Variants in ACTR2 observed in about 807,000 individuals in gnomAD.
The protein encoded by ACTR2 is actin-related protein 2.
ACTR2 carries 5 observed loss-of-function variants against 50.2 expected under a neutral mutation model. The observed-to-expected ratio is 0.10, with a 90% CI of 0.05 to 0.21. ACTR2 has a LOEUF of 0.21. Among genes scored for constraint, ACTR2 ranks in the 10% least tolerant of loss-of-function variants. The pLI is 1.00. For synonymous variants in ACTR2, 140 were observed against 162.9 expected, an observed-to-expected ratio of 0.86 and a Z score of 1.07; for missense variants, 180 against 480.6, an observed-to-expected ratio of 0.37 and a Z score of 5.85.
intron 3 of ACTR2, among the ~76,000 whole-genome samples, chr2:65,247,317 G>A (rs1283283714): frequency 3.9e-5 from 6 of 152,168 alleles, no homozygotes; most frequent in South Asian, 4.2e-4. Flanking sequence ...GGCCGGGCGC[G>A]GTGGCTCACG....
At chr2:65,230,819 C>T (rs1024318574) in intron 1 of ACTR2, among the ~76,000 whole-genome samples, 7 of 151,718 alleles carry the variant, frequency 4.6e-5, no homozygotes, top group African/African-American at 1.2e-4. Context: ...TTTGGGAGGC[C>T]GAGGTAGGAG....
At chr2:65,268,502 T>C (rs1672428054) in intron 8 of ACTR2, 62 bp from the exon 9 acceptor site, 2 of 1,472,896 alleles carry the variant, frequency 1.4e-6, no homozygotes, top group Non-Finnish European at 1.8e-6. Flanking sequence ...AAAAAGCCAT[T>C]TTCATAAAGC....
At chr2:65,253,152 G>A (rs745874440) in intron 4 of ACTR2, among the ~76,000 whole-genome samples, 152 of 152,036 alleles carry the variant, frequency 1.0e-3, no homozygotes, top group Non-Finnish European at 1.6e-3. Context: ...CTTTAAGAAC[G>A]TGTTCTGCTG....
In ACTR2 at chr2:65,261,253, G is replaced by A. The variant is rs748313231; in HGVS notation, c.742G>A (p.Asp248Asn). The change falls in exon 7 of 9, where the codon GAT (aspartate) becomes AAT (asparagine). Residue 248 changes from aspartate (D) to asparagine (N), a missense_variant. By Grantham distance (23) the Asp-to-Asn change is conservative (BLOSUM62 1). Coordinates refer to ENST00000260641, the MANE Select transcript of ACTR2 (RefSeq NM_005722.4). ...TVLVESYTLP[D>N]GRIIKVGGER... ...GATTATTCTTGGTTTCTAGCTCCCA[G>A]ATGGACGTATCATCAAAGTTGGGGG... 1 of 1,613,984 alleles carries A rather than the reference G, an allele frequency of 6.2e-7. No individual in the cohort carries two copies.
intron 7 of ACTR2, among the ~76,000 whole-genome samples, chr2:65,264,426 A>T (rs537678174): frequency 1.3e-5 from 2 of 152,210 alleles, no homozygotes; most frequent in East Asian, 3.9e-4. Flanking sequence ...TATTCCTCAG[A>T]CCCTCGCTCA....
intron 3 of ACTR2, among the ~76,000 whole-genome samples, chr2:65,248,176 C>T (rs574943120): frequency 1.3e-5 from 2 of 152,006 alleles, no homozygotes; most frequent in South Asian, 2.1e-4. Flanking sequence ...CCGAGGTGGG[C>T]GGATCACGAG....
intron 8 of ACTR2, among the ~76,000 whole-genome samples, chr2:65,266,584 T>C (rs961406444): frequency 6.6e-6 from 1 of 152,026 alleles, no homozygotes; most frequent in Non-Finnish European, 1.5e-5. Flanking sequence ...AGAGAAATGA[T>C]AGGATCTGAT....
At chr2:65,258,163 T>G (rs1573165767) in intron 6 of ACTR2, among the ~76,000 whole-genome samples, 1 of 152,200 alleles carries the variant, frequency 6.6e-6, no homozygotes. Context: ...TCCATCTACC[T>G]GACTATTTTG....
At chr2:65,261,811 A>G (rs1179179135) in intron 7 of ACTR2, among the ~76,000 whole-genome samples, 1 of 152,208 alleles carries the variant, frequency 6.6e-6, no homozygotes, top group Non-Finnish European at 1.5e-5. Flanking sequence ...AGGAACCTCC[A>G]TACTGTTTTC....
intron 6 of ACTR2, 65 bp from the exon 7 acceptor site, chr2:65,261,182 T>G: frequency 6.4e-7 from 1 of 1,557,032 alleles, no homozygotes; most frequent in Non-Finnish European, 8.8e-7. Flanking sequence ...AGTACTAGTG[T>G]TCCGGAGAAC....
At chr2:65,235,754 C>CAATAA (rs916953965) in intron 1 of ACTR2, among the ~76,000 whole-genome samples, 7 of 151,738 alleles carry the variant, frequency 4.6e-5, no homozygotes, top group Non-Finnish European at 7.4e-5. Context: ...GACTCAGTCT[C>CAATAA]AATAAAATAA....
At position 65,244,551 on chromosome 2, in the gene ACTR2, A is replaced by C. The variant is rs149664651; in HGVS notation, c.160-1973A>C. On this transcript the variant is annotated intron_variant, in intron 2 of 8. Transcript: ENST00000260641. ...CTTGTTTTTTGATGGATTTCAAAGT[A>C]AGTTGCAGATACCAGTATACTTCTC... Among the ~76,000 whole-genome samples the C allele has an allele frequency of 3.1e-3, 478 of 152,340 alleles. 1 individual carries two copies. Among genetic ancestry groups the C allele is most frequent in the African/African-American group, 0.011 (463 of 41,580 alleles).
At chr2:65,237,241 T>A (rs1573149435) in intron 1 of ACTR2, among the ~76,000 whole-genome samples, 1 of 152,178 alleles carries the variant, frequency 6.6e-6, no homozygotes, top group South Asian at 2.1e-4. Flanking sequence ...CCTTGCAATG[T>A]CTGCTCTTAC....
chr2:65,228,003 G>C, intron 1 of ACTR2, 46 bp downstream of exon 1: 1 of 1,473,118 alleles, frequency 6.8e-7, no homozygotes, highest in Non-Finnish European at 9.0e-7. Context: ...ACGCCGGCGG[G>C]GACGAGCAGC....
chr2:65,229,833 C>A (rs1046356274), intron 1 of ACTR2, among the ~76,000 whole-genome samples: 1 of 151,338 alleles, frequency 6.6e-6, no homozygotes, highest in Non-Finnish European at 1.5e-5. Context: ...AAAGGCAGAT[C>A]CACTGCTATG....
At position 65,240,812 on chromosome 2, in the gene ACTR2, A is replaced by G. The variant is rs570717646; in HGVS notation, c.159+850A>G. Among the ~76,000 whole-genome samples, 4 of 152,324 alleles carry G rather than the reference A, an allele frequency of 2.6e-5. No individual in the cohort carries two copies. The East Asian group carries it at 7.7e-4, about 29-fold the overall frequency. On this transcript the variant is annotated intron_variant, in intron 2 of 8. Coordinates refer to ENST00000260641, the MANE Select transcript of ACTR2 (RefSeq NM_005722.4). The stretch of plus-strand genomic sequence containing the variant: ...TGTTTGTCCTATCTGGATAGTCTTT[A>G]GCAAGCCTTCAGTGTAAGGTTATGA...
chr2:65,245,177 C>CT (rs553752025), intron 2 of ACTR2, among the ~76,000 whole-genome samples: 37 of 146,540 alleles, frequency 2.5e-4, no homozygotes, highest in African/African-American at 4.3e-4. Flanking sequence ...TTTTCTTTTT[C>CT]TTTTTTTTTT....
At chr2:65,261,111 A>T in intron 6 of ACTR2, 136 bp from the exon 7 acceptor site, 1 of 819,572 alleles carries the variant, frequency 1.2e-6, no homozygotes, top group South Asian at 1.9e-5. Context: ...TTTTCCCCAA[A>T]TATATTTTAG....
At chr2:65,249,246 G>T (rs1671998934) in intron 3 of ACTR2, among the ~76,000 whole-genome samples, 1 of 152,174 alleles carries the variant, frequency 6.6e-6, no homozygotes, top group African/African-American at 2.4e-5. Context: ...GGAAATTTTT[G>T]AAAGGGTTTA....
Sources: allele counts gnomAD v4.1 joint callset (sites outside exome capture counted in the v4.1 genomes callset), GRCh38; gene constraint gnomAD v4.1.1; transcripts MANE v1.5; gene names NCBI Gene and HGNC (gene_info 2026-07-23, HGNC 2026-07-21).